The following C1orf94 variants were observed in gnomAD, a reference collection of about 807,000 sequenced individuals.
C1orf94 encodes the protein chromosome 1 open reading frame 94.
In C1orf94, 45 loss-of-function variants were observed where a neutral mutation model predicts 53.6. The observed-to-expected ratio is 0.84, with a 90% CI of 0.66 to 1.08. The LOEUF is 1.08. C1orf94 is among the 50% of genes least tolerant of loss of function. C1orf94 has a pLI of 0.00. For synonymous variants in C1orf94, 304 were observed against 296.1 expected, an observed-to-expected ratio of 1.03 and a Z score of -0.27; for missense variants, 762 against 738.9, an observed-to-expected ratio of 1.03 and a Z score of -0.36.
At chr1:34,167,622 C>T (rs1384106610) in intron 1 of C1orf94, among the ~76,000 whole-genome samples, 3 of 116,974 alleles carry the variant, frequency 2.6e-5, no homozygotes, top group East Asian at 4.4e-4. Context: ...CTCCTGTGCT[C>T]GGGGGCCCTG....
intron 1 of C1orf94, among the ~76,000 whole-genome samples, chr1:34,189,625 T>TG (rs34010947): frequency 0.12 from 18,113 of 152,226 alleles, 1,742 homozygotes; most frequent in African/African-American, 0.26. Context: ...TGAGCCAGGG[T>TG]GGGCTCCACT....
At chr1:34,212,699 G>T (rs1055393545) in intron 6 of C1orf94, among the ~76,000 whole-genome samples, 2 of 152,200 alleles carry the variant, frequency 1.3e-5, no homozygotes, top group Admixed American at 6.5e-5. Flanking sequence ...GGCAGGGGCA[G>T]TTGGTGCAAC....
chr1:34,169,744 A>G (rs941610821), intron 1 of C1orf94, among the ~76,000 whole-genome samples: 1 of 152,236 alleles, frequency 6.6e-6, no homozygotes, highest in African/African-American at 2.4e-5. Context: ...GGAAAAGCTT[A>G]GGATCCCAAA....
At chr1:34,192,873 T>C (rs1642515922) in intron 1 of C1orf94, among the ~76,000 whole-genome samples, 1 of 152,038 alleles carries the variant, frequency 6.6e-6, no homozygotes, top group African/African-American at 2.4e-5. Flanking sequence ...AAGGGGTAGA[T>C]AAAAGCCCAA....
chr1:34,203,820 C>G (rs144073935), intron 4 of C1orf94, among the ~76,000 whole-genome samples: 1 of 152,230 alleles, frequency 6.6e-6, no homozygotes, highest in African/African-American at 2.4e-5. Flanking sequence ...CTGCCGCCCA[C>G]TGGGTAGAAG....
At chr1:34,202,054 G>T in intron 3 of C1orf94, 30 bp from the exon 4 acceptor site, 1 of 1,605,016 alleles carries the variant, frequency 6.2e-7, no homozygotes, top group South Asian at 1.1e-5. Context: ...CTCCATCACT[G>T]ACCCGCTTTG....
chr1:34,190,227 C>T (rs531509659), intron 1 of C1orf94, among the ~76,000 whole-genome samples: 4 of 152,356 alleles, frequency 2.6e-5, no homozygotes, highest in African/African-American at 2.4e-5. Flanking sequence ...CAGTCCCCTC[C>T]TGTCACTCCT....
At chr1:34,185,219 A>C (rs530521780) in intron 1 of C1orf94, among the ~76,000 whole-genome samples, 2 of 152,074 alleles carry the variant, frequency 1.3e-5, no homozygotes, top group South Asian at 4.2e-4. Flanking sequence ...TCGCTCTGTC[A>C]CCCAGGCTGG....
At position 34,197,929 on chromosome 1, in the gene C1orf94, A is replaced by G; in HGVS notation, c.1009+16A>G. 1.2e-6 allele frequency: 2 copies of G among 1,603,286 alleles called. No homozygotes were observed. Among genetic ancestry groups the G allele is most frequent in the East Asian group, 4.5e-5 (2 of 44,766 alleles). ...CACTTGATGGGTGAGTGGGGTTGGA[A>G]CTGGGGTAGAGTGGGCCTGCAAGGA... is the stretch of plus-strand genomic sequence containing the variant. On this transcript the variant is annotated intron_variant, in intron 2 of 6. Transcript: ENST00000488417. This position sits in a 1 kb window ranked among gnomAD's most constrained non-coding sequence, Gnocchi z 4.1.
rs150172429 is a variant in C1orf94 at position 34,215,824 on chromosome 1, G to A, written c.1722-2862G>A. 5.9e-5 allele frequency among the ~76,000 whole-genome samples: 9 copies of A among 152,106 alleles called. No homozygotes were observed. In the East Asian group the frequency reaches 1.7e-3, roughly 30 times the overall value. On this transcript the variant is annotated intron_variant, in intron 6 of 6. Coordinates refer to ENST00000488417, the MANE Select transcript of C1orf94 (RefSeq NM_001134734.2). ...AGTTCGAGACCAGCCTGGCCAAGAT[G>A]GTAAAACCCCATCTCTACTAAAAAT...
intron 1 of C1orf94, among the ~76,000 whole-genome samples, chr1:34,183,716 C>T (rs530262014): frequency 2.2e-4 from 34 of 152,078 alleles, no homozygotes; most frequent in African/African-American, 7.2e-4. Context: ...ATCAGCTGAG[C>T]GTGGTGGCAG....
At position 34,202,103 on chromosome 1, in the gene C1orf94, T is replaced by A; in HGVS notation, c.1290T>A (p.Val430=). Residue 430 remains valine (V), a synonymous_variant, in exon 4 of 7, where the codon GTT becomes GTA. Transcript: ENST00000488417. ...TTGCAGTTAACGCACCTGTGACGGT[T>A]GCTGACAAGAACAACCCGAAGTACA... The part of the protein sequence containing the change: ...PELKFNAPVT[V]ADKNNPKYTG... 1 of 1,614,050 alleles carries A rather than the reference T, an allele frequency of 6.2e-7. No homozygotes were observed. Among genetic ancestry groups the A allele is most frequent in the Non-Finnish European group, 8.5e-7 (1 of 1,179,970 alleles).
rs1642239512 is a variant in C1orf94, at chr1:34,177,144, C to A, written c.-646C>A. The stretch of plus-strand genomic sequence containing the variant: ...TAAGGGCTGTGGGCCCATCCACACA[C>A]GCCTCATCCCTTCTTTCCGGGGGCA... On this transcript the variant is annotated 5_prime_UTR_variant, in exon 1 of 7. Coordinates refer to ENST00000488417, the MANE Select transcript of C1orf94 (RefSeq NM_001134734.2). Among the ~76,000 whole-genome samples, 1 of 152,338 alleles carries A rather than the reference C, an allele frequency of 6.6e-6. No homozygotes were observed. Among genetic ancestry groups the A allele is most frequent in the African/African-American group, 2.4e-5 (1 of 41,584 alleles).
At chr1:34,214,035 A>G (rs1243776915) in intron 6 of C1orf94, among the ~76,000 whole-genome samples, 1 of 152,192 alleles carries the variant, frequency 6.6e-6, no homozygotes, top group Non-Finnish European at 1.5e-5. Flanking sequence ...CAGGGGACCT[A>G]TAGATGAATA....
At chr1:34,174,022 C>T (rs1642185145), upstream of C1orf94, among the ~76,000 whole-genome samples, 1 of 152,242 alleles carries the variant, frequency 6.6e-6, no homozygotes, top group South Asian at 2.1e-4. Context: ...ATGCTTTGCC[C>T]CGCCTCTGTC....
chr1:34,176,446 G>A (rs982342502), upstream of C1orf94, among the ~76,000 whole-genome samples: 8 of 151,914 alleles, frequency 5.3e-5, no homozygotes, highest in Admixed American at 1.3e-4. Context: ...AGCTAACTTA[G>A]CCCTTCTCCC....
chr1:34,169,248 G>A (rs1416847555), intron 1 of C1orf94, among the ~76,000 whole-genome samples: 2 of 152,132 alleles, frequency 1.3e-5, no homozygotes, highest in African/African-American at 4.8e-5. Flanking sequence ...GGGCAATGGA[G>A]AGGCAGGAGT....
At chr1:34,189,236 G>A (rs1642441132) in intron 1 of C1orf94, among the ~76,000 whole-genome samples, 2 of 152,036 alleles carry the variant, frequency 1.3e-5, no homozygotes, top group Admixed American at 6.6e-5. Flanking sequence ...GCATGGCTGT[G>A]GTATGTGGGC....
intron 4 of C1orf94, among the ~76,000 whole-genome samples, chr1:34,207,262 G>GGGGTGTGT (rs1021463420): frequency 4.1e-5 from 6 of 147,452 alleles, no homozygotes; most frequent in African/African-American, 1.5e-4. Context: ...AGTTCTGCGG[G>GGGGTGTGT]GTGTGTGTGT....
Sources: gnomAD v4.1 joint callset for allele counts (sites outside exome capture counted in the v4.1 genomes callset) on GRCh38, gnomAD v4.1.1 for gene constraint, Gnocchi (gnomAD v3.1) non-coding constraint, MANE v1.5 for transcripts, NCBI Gene and HGNC (gene_info 2026-07-23, HGNC 2026-07-21) for gene names.